The following KCNIP4 variants were observed in gnomAD, a reference collection of about 807,000 sequenced individuals.
KCNIP4 encodes potassium voltage-gated channel interacting protein 4.
Under a neutral mutation model 34.0 loss-of-function variants are expected in KCNIP4, and 12 were observed. That is an observed-to-expected ratio of 0.35 (90% confidence interval 0.23 to 0.57). The LOEUF is 0.57. Among genes scored for constraint, KCNIP4 ranks in the 20% least tolerant of loss-of-function variants. The pLI, the probability that KCNIP4 is intolerant of heterozygous loss-of-function variation, is 0.83. For synonymous variants in KCNIP4, 124 were observed against 102.2 expected (o/e 1.21, Z -1.29); for missense variants, 238 against 311.7 (o/e 0.76, Z 1.78).
chr4:21,484,191 C>A (rs1019069462), intron 1 of KCNIP4, among the ~76,000 whole-genome samples: 2 of 146,882 alleles, frequency 1.4e-5, no homozygotes, highest in African/African-American at 5.1e-5. Flanking sequence ...CTTTGGGAGG[C>A]TGAGGTGGGC....
intron 1 of KCNIP4, among the ~76,000 whole-genome samples, chr4:21,473,343 C>T (rs1207118680): frequency 6.6e-6 from 1 of 152,170 alleles, no homozygotes; most frequent in African/African-American, 2.4e-5. Context: ...GGGCATCTAG[C>T]CCTTTCCCTG....
intron 1 of KCNIP4, among the ~76,000 whole-genome samples, chr4:20,886,098 G>A (rs67558133): frequency 0.1 from 15,740 of 152,228 alleles, 878 homozygotes; most frequent in South Asian, 0.23. Context: ...GATGGAAGAT[G>A]TCTACTTCTA....
chr4:21,512,481 G>C (rs898239458), intron 1 of KCNIP4, among the ~76,000 whole-genome samples: 1 of 151,836 alleles, frequency 6.6e-6, no homozygotes, highest in Non-Finnish European at 1.5e-5. Flanking sequence ...ATTGCTCCTT[G>C]GTAAAAGATG....
Position 21,400,578 on chromosome 4 carries a change from C to CTCTTCTCTTCTCTTCTCTTCTCTTT in KCNIP4, c.62-517870_62-517869insAAAGAGAAGAGAAGAGAAGAGAAGA, listed in dbSNP as rs1491290545. Among the ~76,000 whole-genome samples the CTCTTCTCTTCTCTTCTCTTCTCTTT allele has an allele frequency of 3.8e-5, 3 of 78,902 alleles. No individual in the cohort carries two copies. The Admixed American group carries it at 4.1e-4, about 11-fold the overall frequency. 51.8% of individuals were successfully genotyped at this position (78,902 alleles called of 152,430 possible). ...CTCTTCTCTTCTCTTCTCTTCTCTT[C>CTCTTCTCTTCTCTTCTCTTCTCTTT]GTTCTTTCTTTCTTCCTTCTTTTCT... On this transcript the variant is annotated intron_variant, in intron 1 of 8. Transcript: ENST00000382152.
intron 1 of KCNIP4, among the ~76,000 whole-genome samples, chr4:21,903,463 G>T (rs941869721): frequency 3.9e-5 from 6 of 152,104 alleles, no homozygotes; most frequent in African/African-American, 1.2e-4. Flanking sequence ...AGAAAAGACT[G>T]AATGAAGTCA....
intron 1 of KCNIP4, among the ~76,000 whole-genome samples, chr4:21,427,979 A>T (rs1020835): frequency 0.011 from 1,577 of 146,412 alleles, 27 homozygotes; most frequent in African/African-American, 0.039. Context: ...CTTATAACTT[A>T]AAAAAAATGT....
chr4:21,615,541 G>A (rs1053722162), intron 1 of KCNIP4, among the ~76,000 whole-genome samples: 8 of 144,226 alleles, frequency 5.5e-5, no homozygotes, highest in African/African-American at 7.7e-5. Context: ...GCGAGACTCC[G>A]CCTCAAAAAA....
At chr4:21,878,948 C>T (rs914693360) in intron 1 of KCNIP4, among the ~76,000 whole-genome samples, 2 of 152,112 alleles carry the variant, frequency 1.3e-5, no homozygotes, top group African/African-American at 4.8e-5. Context: ...CTTTCACTTA[C>T]TTATGATGAA....
At chr4:21,556,582 T>C (rs1739027060) in intron 1 of KCNIP4, among the ~76,000 whole-genome samples, 1 of 152,040 alleles carries the variant, frequency 6.6e-6, no homozygotes, top group Non-Finnish European at 1.5e-5. Flanking sequence ...AATAACTCTA[T>C]AGGACAATTT....
At chr4:21,140,990 A>G (rs1282888047) in intron 1 of KCNIP4, among the ~76,000 whole-genome samples, 1 of 152,232 alleles carries the variant, frequency 6.6e-6, no homozygotes, top group East Asian at 1.9e-4. Flanking sequence ...ACACACAGGC[A>G]TAACTTGGAG....
intron 1 of KCNIP4, among the ~76,000 whole-genome samples, chr4:21,730,349 G>C (rs1017044685): frequency 3.9e-5 from 6 of 151,962 alleles, no homozygotes; most frequent in African/African-American, 1.4e-4. Context: ...CCTTTTTCTA[G>C]ACTCTGACCT....
intron 5 of KCNIP4, among the ~76,000 whole-genome samples, chr4:20,746,264 T>G (rs931442365): frequency 6.6e-6 from 1 of 151,878 alleles, no homozygotes; most frequent in African/African-American, 2.4e-5. Flanking sequence ...CAGCAAACTA[T>G]CATGAGAACA....
chr4:20,945,994 G>T (rs569829988), intron 1 of KCNIP4, among the ~76,000 whole-genome samples: 2 of 152,122 alleles, frequency 1.3e-5, no homozygotes, highest in Admixed American at 6.5e-5. Context: ...GAGGATAAAC[G>T]TAAGGAGAAG....
At chr4:21,061,402 A>G (rs1458474849) in intron 1 of KCNIP4, among the ~76,000 whole-genome samples, 15 of 152,112 alleles carry the variant, frequency 9.9e-5, no homozygotes, top group Admixed American at 9.2e-4. Flanking sequence ...TTTCTTTTTC[A>G]TAACACAATA....
At chr4:21,302,032 A>G (rs1711784720) in intron 1 of KCNIP4, among the ~76,000 whole-genome samples, 2 of 152,210 alleles carry the variant, frequency 1.3e-5, no homozygotes, top group Non-Finnish European at 2.9e-5. Flanking sequence ...TGAAGTTTAT[A>G]TTAAAGTTTC....
intron 1 of KCNIP4, among the ~76,000 whole-genome samples, chr4:20,983,217 T>G (rs922644691): frequency 1.1e-4 from 16 of 152,238 alleles, no homozygotes; most frequent in Non-Finnish European, 2.2e-4. Context: ...CTCGTGTGTA[T>G]GAGTTCCTAC....
At chr4:20,959,809 C>A (rs1021256222) in intron 1 of KCNIP4, among the ~76,000 whole-genome samples, 3 of 152,158 alleles carry the variant, frequency 2.0e-5, no homozygotes, top group Non-Finnish European at 2.9e-5. Context: ...TATGCTCAAA[C>A]CCTGATTTCA....
At chr4:21,934,604 T>C (rs911885663) in intron 1 of KCNIP4, among the ~76,000 whole-genome samples, 5 of 152,032 alleles carry the variant, frequency 3.3e-5, no homozygotes, top group African/African-American at 1.2e-4. Flanking sequence ...ACCACCAAAC[T>C]GGACAACAAG....
chr4:21,007,519 C>T (rs1168888164), intron 1 of KCNIP4, among the ~76,000 whole-genome samples: 1 of 152,020 alleles, frequency 6.6e-6, no homozygotes, highest in Non-Finnish European at 1.5e-5. Flanking sequence ...TTTTTTTGTA[C>T]CCATTAAACC....
Sources: allele counts gnomAD v4.1 joint callset (sites outside exome capture counted in the v4.1 genomes callset), GRCh38; gene constraint gnomAD v4.1.1; transcripts MANE v1.5; gene names NCBI Gene and HGNC (gene_info 2026-07-23, HGNC 2026-07-21).